Variants in GRIA1 observed in about 807,000 individuals in gnomAD.
The protein encoded by GRIA1 is glutamate receptor 1.
A neutral mutation model predicts 99.2 loss-of-function variants in GRIA1; 31 were observed. That is an observed-to-expected ratio of 0.31 (90% CI 0.23 to 0.42). The LOEUF is 0.42. Ranked by LOEUF, GRIA1 falls within the 10% of genes least tolerant of loss-of-function variation. The probability of loss-of-function intolerance (pLI) is 1.00; values close to 1 mark genes in which losing one functional copy is unlikely to be tolerated. For synonymous variants in GRIA1, 438 were observed against 432.4 expected, an observed-to-expected ratio of 1.01 and a Z score of -0.16; for missense variants, 782 against 1,157.5, an observed-to-expected ratio of 0.68 and a Z score of 4.71.
At chr5:153,656,388 T>A (rs899160134) in intron 5 of GRIA1, among the ~76,000 whole-genome samples, 7 of 50,108 alleles carry the variant, frequency 1.4e-4, no homozygotes, top group Admixed American at 1.7e-4. Flanking sequence ...TTTGTTTATA[T>A]ATATATATAT....
intron 2 of GRIA1, among the ~76,000 whole-genome samples, chr5:153,544,745 A>G (rs1170844485): frequency 6.6e-6 from 1 of 152,200 alleles, no homozygotes; most frequent in Non-Finnish European, 1.5e-5. Flanking sequence ...AAAGATAGCT[A>G]GTAAGATGGA....
intron 2 of GRIA1, among the ~76,000 whole-genome samples, chr5:153,614,528 C>T (rs922693198): frequency 1.3e-5 from 2 of 152,174 alleles, no homozygotes; most frequent in Non-Finnish European, 2.9e-5. Context: ...GTCACTCACC[C>T]AAGATTATAT....
chr5:153,549,493 G>A (rs1050428448), intron 2 of GRIA1, among the ~76,000 whole-genome samples: 2 of 152,078 alleles, frequency 1.3e-5, no homozygotes, highest in Non-Finnish European at 2.9e-5. Context: ...ATTGGAGTCT[G>A]GAAGAAAGGT....
intron 5 of GRIA1, among the ~76,000 whole-genome samples, chr5:153,669,354 T>G (rs1480035530): frequency 2.6e-5 from 4 of 152,240 alleles, no homozygotes; most frequent in African/African-American, 9.6e-5. Context: ...TAGCCATTAT[T>G]GTCATTTTTG....
At chr5:153,651,599 C>A (rs919404588) in intron 4 of GRIA1, among the ~76,000 whole-genome samples, 1 of 152,258 alleles carries the variant, frequency 6.6e-6, no homozygotes, top group Non-Finnish European at 1.5e-5. Context: ...TGTTAATGGC[C>A]TTCAAGACCC....
chr5:153,492,060 T>C, intron 1 of GRIA1: 2 of 1,104,188 alleles, frequency 1.8e-6, no homozygotes, highest in Non-Finnish European at 2.4e-6. Flanking sequence ...AGCATCTTCG[T>C]TGGTTTGGTT....
intron 12 of GRIA1, among the ~76,000 whole-genome samples, chr5:153,768,674 G>T (rs1763678198): frequency 6.6e-6 from 1 of 151,958 alleles, no homozygotes; most frequent in African/African-American, 2.4e-5. Context: ...CAGTTGACGT[G>T]CGCTAATATC....
intron 11 of GRIA1, among the ~76,000 whole-genome samples, chr5:153,756,590 C>T (rs891049381): frequency 1.3e-5 from 2 of 152,170 alleles, no homozygotes; most frequent in African/African-American, 2.4e-5. Flanking sequence ...ACCAGTGAGA[C>T]AGGCGTCTGA....
chr5:153,681,507 C>A (rs188154659), intron 7 of GRIA1, among the ~76,000 whole-genome samples: 1 of 151,996 alleles, frequency 6.6e-6, no homozygotes, highest in Non-Finnish European at 1.5e-5. Flanking sequence ...CAGCAAGAGA[C>A]GAGGTAGGGT....
At chr5:153,621,595 C>A (rs1030819660) in intron 2 of GRIA1, among the ~76,000 whole-genome samples, 6 of 152,158 alleles carry the variant, frequency 3.9e-5, no homozygotes, top group Non-Finnish European at 8.8e-5. Flanking sequence ...CTGCTGTGAA[C>A]CCACTCCATG....
At chr5:153,809,583 T>C (rs1766671264) in intron 15 of GRIA1, among the ~76,000 whole-genome samples, 1 of 152,246 alleles carries the variant, frequency 6.6e-6, no homozygotes, top group Non-Finnish European at 1.5e-5. Flanking sequence ...AATGGCAATA[T>C]GTCAGAGAGG....
chr5:153,637,295 C>G (rs186855438), intron 2 of GRIA1, among the ~76,000 whole-genome samples: 1 of 152,244 alleles, frequency 6.6e-6, no homozygotes, highest in Non-Finnish European at 1.5e-5. Flanking sequence ...TTTGCATATT[C>G]CAGGCACATG....
intron 2 of GRIA1, among the ~76,000 whole-genome samples, chr5:153,511,137 A>G (rs1039628480): frequency 6.6e-6 from 1 of 152,170 alleles, no homozygotes; most frequent in Non-Finnish European, 1.5e-5. Flanking sequence ...TTGCTTGGTG[A>G]GTGACAGATC....
At chr5:153,654,128 A>G (rs1754767459) in intron 4 of GRIA1, among the ~76,000 whole-genome samples, 1 of 152,190 alleles carries the variant, frequency 6.6e-6, no homozygotes, top group African/African-American at 2.4e-5. Context: ...GGCAAGCACC[A>G]TGCTTCTTTC....
chr5:153,643,852 T>C (rs1017037442), intron 2 of GRIA1, among the ~76,000 whole-genome samples: 2 of 152,152 alleles, frequency 1.3e-5, no homozygotes, highest in Non-Finnish European at 2.9e-5. Flanking sequence ...TGTCTAAGGA[T>C]TTGTTGTGTC....
At chr5:153,801,385 G>A (rs571717171) in intron 14 of GRIA1, among the ~76,000 whole-genome samples, 4 of 149,620 alleles carry the variant, frequency 2.7e-5, no homozygotes, top group Admixed American at 6.6e-5. Context: ...TTGTCCCTCA[G>A]ACCTTCACTT....
At chr5:153,586,966 TGAA>T (rs1303842736) in intron 2 of GRIA1, among the ~76,000 whole-genome samples, 1 of 152,190 alleles carries the variant, frequency 6.6e-6, no homozygotes, top group Non-Finnish European at 1.5e-5. Context: ...TGTTCTCTGA[TGAA>T]GGGCTTTTTT....
intron 2 of GRIA1, among the ~76,000 whole-genome samples, chr5:153,553,760 C>T (rs1463561405): frequency 3.3e-5 from 5 of 152,154 alleles, no homozygotes; most frequent in South Asian, 2.1e-4. Flanking sequence ...TGGGAAAATG[C>T]GATCACCAGT....
chr5:153,689,002 G>A (rs940262386), intron 8 of GRIA1, among the ~76,000 whole-genome samples: 7 of 152,154 alleles, frequency 4.6e-5, no homozygotes, highest in African/African-American at 1.2e-4. Flanking sequence ...TTACAGGTAT[G>A]AGCCACCGCC....
Sources: allele counts gnomAD v4.1 joint callset (sites outside exome capture counted in the v4.1 genomes callset), GRCh38; gene constraint gnomAD v4.1.1; transcripts MANE v1.5; gene names NCBI Gene and HGNC (gene_info 2026-07-23, HGNC 2026-07-21).